Variants in OTUD7A observed in about 807,000 individuals in gnomAD.
The protein encoded by OTUD7A is OTU deubiquitinase 7A.
Under a neutral mutation model 65.7 loss-of-function variants are expected in OTUD7A, and 12 were observed. The ratio of observed to expected loss-of-function variants is 0.18; its 90% CI spans 0.12 to 0.30. The LOEUF (loss-of-function observed/expected upper bound fraction) is 0.30. Among genes scored for constraint, OTUD7A ranks in the 10% least tolerant of loss-of-function variants. The probability of loss-of-function intolerance (pLI) is 1.00; values close to 1 mark genes in which losing one functional copy is unlikely to be tolerated. For missense variants in OTUD7A, 1,148 were observed against 1,304.8 expected (o/e 0.88, Z 1.85); for synonymous variants, 641 against 586.3 (o/e 1.09, Z -1.35).
rs1323725501 is a variant in OTUD7A at position 31,483,645 on chromosome 15, G to A, written c.2451C>T (p.Ser817=). 3 of 1,175,128 alleles carry A rather than the reference G, an allele frequency of 2.6e-6. No homozygotes were observed. Among genetic ancestry groups the A allele is most frequent in the East Asian group, 3.9e-5 (1 of 25,698 alleles). 72.8% of individuals were successfully genotyped at this position (1,175,128 alleles called of 1,614,324 possible). ...TGCGCAGGGCGGCGGCGCGCGCCGG[G>A]CTGTAGCTCTGCGACGACAGCGAGC... ...QNRSLSSQSY[S]PARAAALRTV... Residue 817 remains serine, a synonymous_variant, in exon 13 of 13, where the codon AGC becomes AGT. Coordinates refer to ENST00000307050, the MANE Select transcript of OTUD7A (RefSeq NM_001382637.1).
chr15:31,767,909 T>C (rs1453243578), intron 1 of OTUD7A: 2 of 1,509,074 alleles, frequency 1.3e-6, no homozygotes, highest in Non-Finnish European at 1.8e-6. Flanking sequence ...GAAGAGCTGG[T>C]TGTTATCATC....
At chr15:31,485,039 C>T (rs2041217281) in intron 12 of OTUD7A, among the ~76,000 whole-genome samples, 1 of 152,190 alleles carries the variant, frequency 6.6e-6, no homozygotes, top group Non-Finnish European at 1.5e-5. Context: ...TACCCTGGAA[C>T]CCTGAGTAGG....
At position 31,648,734 on chromosome 15, in the gene OTUD7A, C is replaced by A. The variant is rs188361031; in HGVS notation, c.151+6362G>T. ...TCCGTGTATTGATTTATATCTTTGCCTGTAACTTCTGCCCCCTGCCTTTAT... is the reference window on the plus strand; with the variant it reads ...TCCGTGTATTGATTTATATCTTTGCATGTAACTTCTGCCCCCTGCCTTTAT... On this transcript the variant is annotated intron_variant, in intron 3 of 12. Transcript: ENST00000307050. 6.4e-3 allele frequency among the ~76,000 whole-genome samples: 969 copies of A among 152,228 alleles called. 9 individuals carry two copies. The highest frequency in any genetic ancestry group is 0.022 in the African/African-American group (900 of 41,536).
chr15:31,620,735 T>G (rs1347210961), intron 3 of OTUD7A, among the ~76,000 whole-genome samples: 1 of 107,180 alleles, frequency 9.3e-6, no homozygotes, highest in Non-Finnish European at 1.7e-5. Flanking sequence ...ATTCATTAAT[T>G]TTTTGAAGGG....
chr15:31,597,978 C>T (rs369543502), intron 3 of OTUD7A, among the ~76,000 whole-genome samples: 11 of 152,210 alleles, frequency 7.2e-5, no homozygotes, highest in African/African-American at 1.9e-4. Context: ...GGAAGAGCAG[C>T]GTGTTTCCAG....
intron 3 of OTUD7A, among the ~76,000 whole-genome samples, chr15:31,642,905 T>C (rs1891559252): frequency 6.6e-6 from 1 of 152,126 alleles, no homozygotes. Context: ...TCTTTATTAT[T>C]TCATTTCTTC....
chr15:31,628,574 G>A (rs1455609691), intron 3 of OTUD7A, among the ~76,000 whole-genome samples: 3 of 152,102 alleles, frequency 2.0e-5, no homozygotes, highest in Non-Finnish European at 4.4e-5. Flanking sequence ...TTGGCAATGC[G>A]GGCTCTTTTT....
intron 3 of OTUD7A, among the ~76,000 whole-genome samples, chr15:31,647,288 CT>C (rs1891704648): frequency 6.6e-6 from 1 of 152,190 alleles, no homozygotes; most frequent in Non-Finnish European, 1.5e-5. Flanking sequence ...CATGGCAGTC[CT>C]CTAATCGCAC....
intron 3 of OTUD7A, among the ~76,000 whole-genome samples, chr15:31,585,035 G>T (rs11854065): frequency 6.6e-6 from 1 of 152,020 alleles, no homozygotes; most frequent in Non-Finnish European, 1.5e-5. Context: ...TTGGTGACTT[G>T]GAGGACATTG....
rs1317416020 is a variant in OTUD7A at position 31,480,639 on chromosome 15, G to A, written c.*2655C>T. Reference sequence around the variant, plus strand: ...CTGAAGTTGGTCTCTGGCCAGGGACGAGGTCTACACGCCTCTTCTCAAGGA... The same window carrying A: ...CTGAAGTTGGTCTCTGGCCAGGGACAAGGTCTACACGCCTCTTCTCAAGGA... On this transcript the variant is annotated 3_prime_UTR_variant, in exon 13 of 13. Coordinates refer to ENST00000307050, the MANE Select transcript of OTUD7A (RefSeq NM_001382637.1). 1 of 152,278 alleles carries A rather than the reference G, an allele frequency of 6.6e-6. No homozygotes were observed. Among genetic ancestry groups the A allele is most frequent in the Non-Finnish European group, 1.5e-5 (1 of 68,062 alleles). The allele number at this position is 152,278 out of a possible 1,614,324, so 9.4% of individuals were successfully genotyped here.
At chr15:31,749,790 A>G (rs1036339215) in intron 1 of OTUD7A, among the ~76,000 whole-genome samples, 1 of 152,160 alleles carries the variant, frequency 6.6e-6, no homozygotes, top group Admixed American at 6.5e-5. Flanking sequence ...TTCGTGAATG[A>G]CATAATTCCA....
chr15:31,495,792 G>A (rs1020656375), intron 10 of OTUD7A, among the ~76,000 whole-genome samples: 1 of 152,156 alleles, frequency 6.6e-6, no homozygotes, highest in South Asian at 2.1e-4. Context: ...CTGGCCGGGC[G>A]TAGTGGCTCA....
At chr15:31,636,380 G>T (rs1464279388) in intron 3 of OTUD7A, among the ~76,000 whole-genome samples, 1 of 152,066 alleles carries the variant, frequency 6.6e-6, no homozygotes, top group Non-Finnish European at 1.5e-5. Flanking sequence ...GGGGCACCAC[G>T]AACCACACCC....
chr15:31,667,001 T>C (rs1006660645), intron 1 of OTUD7A, among the ~76,000 whole-genome samples: 14 of 152,306 alleles, frequency 9.2e-5, no homozygotes, highest in African/African-American at 3.1e-4. Flanking sequence ...GAGTGCTTGA[T>C]ATACTTTAAT....
At chr15:31,570,518 C>T (rs1889020137) in intron 3 of OTUD7A, among the ~76,000 whole-genome samples, 1 of 151,724 alleles carries the variant, frequency 6.6e-6, no homozygotes, top group Non-Finnish European at 1.5e-5. Flanking sequence ...TCATCACATC[C>T]CCCTTTGAAA....
intron 1 of OTUD7A, among the ~76,000 whole-genome samples, chr15:31,776,724 G>A (rs1343282999): frequency 1.3e-5 from 2 of 152,148 alleles, no homozygotes; most frequent in African/African-American, 4.8e-5. Context: ...AGGGTCTGAA[G>A]GAACCGGGGG....
intron 1 of OTUD7A, among the ~76,000 whole-genome samples, chr15:31,868,151 A>T (rs940553819): frequency 6.6e-6 from 1 of 152,254 alleles, no homozygotes; most frequent in African/African-American, 2.4e-5. Flanking sequence ...TAGAAACGGA[A>T]GATGTGACAG....
intron 3 of OTUD7A, among the ~76,000 whole-genome samples, chr15:31,575,151 T>C (rs967651546): frequency 1.2e-4 from 19 of 152,188 alleles, no homozygotes; most frequent in African/African-American, 3.9e-4. Context: ...GAAAACAGAC[T>C]ACAGATAGCA....
At chr15:31,752,593 T>C (rs1292170496) in intron 1 of OTUD7A, among the ~76,000 whole-genome samples, 2 of 152,316 alleles carry the variant, frequency 1.3e-5, no homozygotes, top group Non-Finnish European at 2.9e-5. Context: ...AACATTAGCT[T>C]GCTGAGTTAT....
Sources: allele counts gnomAD v4.1 joint callset (sites outside exome capture counted in the v4.1 genomes callset), GRCh38; gene constraint gnomAD v4.1.1; transcripts MANE v1.5; gene names NCBI Gene and HGNC (gene_info 2026-07-23, HGNC 2026-07-21).